CBFB: variants seen among roughly 807,000 people sequenced by gnomAD.
CBFB encodes the protein core-binding factor subunit beta, also known as CBF-beta.
A neutral mutation model predicts 30.4 loss-of-function variants in CBFB; 9 were observed. That is an observed-to-expected ratio of 0.30 (90% CI 0.18 to 0.52). The LOEUF is 0.52. Among genes scored for constraint, CBFB ranks in the 20% least tolerant of loss-of-function variants. CBFB has a pLI of 0.97. For synonymous variants in CBFB, 94 were observed against 84.0 expected, an observed-to-expected ratio of 1.12 and a Z score of -0.65; for missense variants, 170 against 244.0, an observed-to-expected ratio of 0.70 and a Z score of 2.02.
chr16:67,094,618 A>G (rs896383502), intron 5 of CBFB, among the ~76,000 whole-genome samples: 4 of 152,196 alleles, frequency 2.6e-5, no homozygotes, highest in Non-Finnish European at 1.5e-5. Context: ...TTATAAATAT[A>G]TAATTAGGAT....
chr16:67,030,848 C>T (rs1018825540), intron 2 of CBFB, among the ~76,000 whole-genome samples: 38 of 152,196 alleles, frequency 2.5e-4, no homozygotes, highest in African/African-American at 8.4e-4. Flanking sequence ...CCCTCCTCGA[C>T]CTCCCAGAGT....
intron 3 of CBFB, among the ~76,000 whole-genome samples, chr16:67,045,855 A>G (rs1455706713): frequency 1.5e-5 from 2 of 134,058 alleles, no homozygotes; most frequent in South Asian, 2.3e-4. Flanking sequence ...GAGTGCAGTG[A>G]TGTAATCTTG....
chr16:67,032,851 C>G (rs562452331), intron 2 of CBFB, among the ~76,000 whole-genome samples: 2 of 152,320 alleles, frequency 1.3e-5, no homozygotes, highest in Admixed American at 6.5e-5. Flanking sequence ...CAGTTGTCCT[C>G]TTCTTATTTG....
At chr16:67,055,530 A>AT (rs1370559680) in intron 3 of CBFB, among the ~76,000 whole-genome samples, 9 of 150,780 alleles carry the variant, frequency 6.0e-5, no homozygotes, top group East Asian at 5.9e-4. Flanking sequence ...ATTTTTTTGT[A>AT]TTTTTTTAGT....
intron 2 of CBFB, among the ~76,000 whole-genome samples, chr16:67,032,422 G>T (rs890042478): frequency 2.6e-5 from 4 of 152,182 alleles, no homozygotes; most frequent in Non-Finnish European, 5.9e-5. Flanking sequence ...GCTGTGTGAG[G>T]TTTGCACTTA....
chr16:67,061,360 AT>A (rs1167327711), intron 3 of CBFB, among the ~76,000 whole-genome samples: 1 of 152,238 alleles, frequency 6.6e-6, no homozygotes, highest in Non-Finnish European at 1.5e-5. Context: ...AAAATATTTC[AT>A]TGTTCTAGGA....
At chr16:67,075,216 T>TAC (rs1449485078) in intron 4 of CBFB, among the ~76,000 whole-genome samples, 3 of 135,228 alleles carry the variant, frequency 2.2e-5, no homozygotes, top group African/African-American at 1.1e-4. Flanking sequence ...TGTGTGTGTG[T>TAC]GTGTGTGTGT....
intron 3 of CBFB, among the ~76,000 whole-genome samples, chr16:67,062,658 G>A (rs1041526395): frequency 3.3e-5 from 5 of 151,686 alleles, no homozygotes; most frequent in African/African-American, 1.2e-4. Flanking sequence ...AGGATGTGGT[G>A]GCATGCACCA....
intron 3 of CBFB, among the ~76,000 whole-genome samples, chr16:67,057,970 G>A (rs1431269232): frequency 1.3e-5 from 2 of 152,152 alleles, no homozygotes; most frequent in Non-Finnish European, 2.9e-5. Context: ...TGGATGGCCT[G>A]ATTGTTTTAT....
intron 4 of CBFB, among the ~76,000 whole-genome samples, chr16:67,080,295 C>A (rs1961519985): frequency 6.6e-6 from 1 of 151,468 alleles, no homozygotes; most frequent in Admixed American, 6.6e-5. Context: ...GTTGAGGAGA[C>A]TTTTGCAATG....
chr16:67,066,153 C>G (rs1347120381), intron 3 of CBFB, among the ~76,000 whole-genome samples: 1 of 152,036 alleles, frequency 6.6e-6, no homozygotes, highest in Non-Finnish European at 1.5e-5. Context: ...ACAGCCTGAT[C>G]CTGCATGCTC....
intron 5 of CBFB, among the ~76,000 whole-genome samples, chr16:67,095,336 G>C (rs1246622769): frequency 6.6e-6 from 1 of 151,798 alleles, no homozygotes; most frequent in African/African-American, 2.4e-5. Flanking sequence ...GGCTAACATG[G>C]TGAAACCCCG....
intron 5 of CBFB, among the ~76,000 whole-genome samples, chr16:67,089,578 T>A (rs899714987): frequency 1.3e-4 from 20 of 152,280 alleles, no homozygotes; most frequent in Admixed American, 6.5e-5. Flanking sequence ...CTTCCTCCAT[T>A]TGAAATTGTA....
intron 3 of CBFB, among the ~76,000 whole-genome samples, chr16:67,057,715 C>A (rs944492667): frequency 8.6e-5 from 13 of 151,866 alleles, no homozygotes; most frequent in African/African-American, 3.1e-4. Context: ...CTAAACTATT[C>A]TTTTCCACAT....
intron 5 of CBFB, among the ~76,000 whole-genome samples, chr16:67,083,431 G>C (rs940825454): frequency 2.0e-5 from 3 of 151,946 alleles, no homozygotes; most frequent in African/African-American, 7.3e-5. Context: ...GAGTAGCTGG[G>C]ATTACAGGCG....
intron 4 of CBFB, among the ~76,000 whole-genome samples, chr16:67,076,144 C>T (rs1298447076): frequency 1.3e-5 from 2 of 152,216 alleles, no homozygotes; most frequent in East Asian, 3.9e-4. Context: ...GCAGGAGAAT[C>T]GCTTGGACCC....
intron 5 of CBFB, among the ~76,000 whole-genome samples, chr16:67,090,271 CTATTCTG>C (rs1251201620): frequency 6.6e-6 from 1 of 152,098 alleles, no homozygotes; most frequent in East Asian, 1.9e-4. Flanking sequence ...AATTTGGGCA[CTATTCTG>C]TACTTGTATA....
chr16:67,065,949 C>G (rs188610726), intron 3 of CBFB, among the ~76,000 whole-genome samples: 1 of 151,724 alleles, frequency 6.6e-6, no homozygotes, highest in African/African-American at 2.4e-5. Context: ...TGTTTTGTTC[C>G]GAATTATTTA....
chr16:67,029,309 C>G lies in CBFB; in HGVS notation c.-99C>G. On this transcript the variant is annotated 5_prime_UTR_variant, in exon 1 of 6. Transcript: ENST00000412916. ...AAACAAAGGGAAGCGGGCGTCCGGG[C>G]GCCGCGGGTGGGCGGTCAGTCGGTC... The G allele has an allele frequency of 1.3e-6, 1 of 783,766 alleles. No homozygotes were observed. The highest frequency in any genetic ancestry group is 1.7e-6 in the Non-Finnish European group (1 of 572,338). The allele number at this position is 783,766 out of a possible 1,614,324, so 48.6% of individuals were successfully genotyped here. A position where few individuals can be genotyped will look rare whatever the true frequency, so the allele number is the denominator to read the frequency against.
Sources: gnomAD v4.1 joint callset for allele counts (sites outside exome capture counted in the v4.1 genomes callset) on GRCh38, gnomAD v4.1.1 for gene constraint, MANE v1.5 for transcripts, NCBI Gene and HGNC (gene_info 2026-07-23, HGNC 2026-07-21) for gene names.